Variants in SIMC1 observed in about 807,000 individuals in gnomAD.
SIMC1 encodes SUMO-interacting motif-containing protein 1.
SIMC1 carries 55 observed loss-of-function variants against 82.3 expected under a neutral mutation model. The observed-to-expected ratio is 0.67, with a 90% CI of 0.54 to 0.84. The LOEUF (loss-of-function observed/expected upper bound fraction) is 0.84. Among genes scored for constraint, SIMC1 ranks in the 40% least tolerant of loss-of-function variants. The pLI, the probability that SIMC1 is intolerant of heterozygous loss-of-function variation, is 0.00. For synonymous variants in SIMC1, 353 were observed against 426.3 expected (o/e 0.83, Z 2.12); for missense variants, 915 against 1,107.2 (o/e 0.83, Z 2.46).
Position 176,337,131 on chromosome 5 carries a change from C to A in SIMC1, c.2398C>A (p.Gln800Lys). 5 of 1,613,906 alleles carry A rather than the reference C, an allele frequency of 3.1e-6. No individual in the cohort carries two copies. The highest frequency in any genetic ancestry group is 4.2e-6 in the Non-Finnish European group (5 of 1,179,866). ...EHLQFLLSSY[Q>K]HVLREHLRSS... ...TCTGCAGTTTCTGCTGTCCAGTTAT[C>A]AACATGTTTTAAGAGGTAAGGAGCA... The change falls in exon 9 of 10, where the codon CAA (glutamine) becomes AAA (lysine). Residue 800 changes from glutamine to lysine, a missense_variant. Gln to Lys is a moderately conservative substitution (Grantham distance 53, BLOSUM62 1). This residue lies in a region of SIMC1 where 902 missense variants were observed against 1,040.3 expected (regional missense o/e 0.87). Coordinates refer to ENST00000429602, the MANE Select transcript of SIMC1 (RefSeq NM_001308195.2).
intron 6 of SIMC1, among the ~76,000 whole-genome samples, chr5:176,324,199 G>A (rs1581314815): frequency 6.6e-6 from 1 of 152,174 alleles, no homozygotes; most frequent in East Asian, 1.9e-4. Context: ...AACAGTAACA[G>A]GAGAAAACTG....
intron 1 of SIMC1, among the ~76,000 whole-genome samples, chr5:176,285,100 T>C (rs943746642): frequency 6.6e-5 from 10 of 152,060 alleles, no homozygotes; most frequent in Admixed American, 2.0e-4. Context: ...CTATTCCAAT[T>C]GATAGAAAAA....
intron 4 of SIMC1, among the ~76,000 whole-genome samples, chr5:176,311,115 G>A (rs1166807767): frequency 6.6e-6 from 1 of 152,118 alleles, no homozygotes. Context: ...GATCTTGTGG[G>A]GTAATGGAAA....
rs575612314 is a variant in SIMC1 at position 176,272,719 on chromosome 5, A to G, written c.130-16935A>G. Among the ~76,000 whole-genome samples the G allele has an allele frequency of 1.4e-4, 21 of 152,306 alleles. No individual in the cohort carries two copies. In the South Asian group the frequency reaches 1.7e-3, roughly 12 times the overall value. ...ATCTGTGACAGATGGCACCTGGAAA[A>G]TGGGGTCACTCCACCCTAATACTGT... On this transcript the variant is annotated intron_variant, in intron 1 of 9. Coordinates refer to ENST00000429602, the MANE Select transcript of SIMC1 (RefSeq NM_001308195.2).
At chr5:176,256,249 G>A (rs1278322973) in intron 1 of SIMC1, among the ~76,000 whole-genome samples, 3 of 151,982 alleles carry the variant, frequency 2.0e-5, no homozygotes, top group Non-Finnish European at 4.4e-5. Flanking sequence ...AATACTTCAA[G>A]AAAACATTGT....
chr5:176,290,239 GCCTCCT>G lies in SIMC1; in HGVS notation c.717_722del (p.Ser240_Ser241del). 1.2e-6 allele frequency: 2 copies of G among 1,611,510 alleles called. No individual in the cohort carries two copies. Among genetic ancestry groups the G allele is most frequent in the Non-Finnish European group, 1.7e-6 (2 of 1,178,954 alleles). On this transcript the variant is annotated inframe_deletion, in exon 2 of 10. Coordinates refer to ENST00000429602, the MANE Select transcript of SIMC1 (RefSeq NM_001308195.2). Reference sequence around the variant, plus strand: ...GAGAGCCTCACCATGTCCACCACGAGCCTCCTCATGCCCACCACGAGCCTTGTCATG... The same window carrying G: ...GAGAGCCTCACCATGTCCACCACGAGCATGCCCACCACGAGCCTTGTCATG...
intron 5 of SIMC1, among the ~76,000 whole-genome samples, chr5:176,321,433 C>T (rs1028436939): frequency 6.6e-6 from 1 of 150,868 alleles, no homozygotes; most frequent in Admixed American, 6.6e-5. Context: ...CAGAGCGAGA[C>T]TCTGCCTAAA....
chr5:176,249,476 A>G (rs1056554272), intron 1 of SIMC1, among the ~76,000 whole-genome samples: 10 of 151,836 alleles, frequency 6.6e-5, no homozygotes, highest in Non-Finnish European at 1.2e-4. Flanking sequence ...TATTGTATCT[A>G]TTTGATTCTT....
In SIMC1 at chr5:176,306,903, A is replaced by G. The variant is rs565715361; in HGVS notation, c.1735-6788A>G. 4.6e-3 allele frequency among the ~76,000 whole-genome samples: 543 copies of G among 117,344 alleles called. 3 individuals are homozygous for G. The highest frequency in any genetic ancestry group is 0.016 in the African/African-American group (516 of 32,346). 77.0% of individuals were successfully genotyped at this position (117,344 alleles called of 152,430 possible). On this transcript the variant is annotated intron_variant, in intron 4 of 9. Transcript: ENST00000429602. Reference sequence around the variant, plus strand: ...CCTCTGTGAGAAACACCCAAGAATTATCAATAAAAAAATAAATTAAAAAAA... The same window carrying G: ...CCTCTGTGAGAAACACCCAAGAATTGTCAATAAAAAAATAAATTAAAAAAA...
In SIMC1 at chr5:176,341,135, A is replaced by T. The variant is rs534396294; in HGVS notation, c.2413+3989A>T. The stretch of plus-strand genomic sequence containing the variant: ...GCACTCCAGCCTGGGCAGCAGAGCA[A>T]GACTCCATCTCAAAAAGAAATAAAT... On this transcript the variant is annotated intron_variant, in intron 9 of 9. Transcript: ENST00000429602. 3.9e-5 allele frequency among the ~76,000 whole-genome samples: 6 copies of T among 152,364 alleles called. No individual in the cohort carries two copies. In the South Asian group the frequency reaches 1.2e-3, roughly 32 times the overall value.
At chr5:176,344,842 A>G (rs1239192237) in intron 9 of SIMC1, among the ~76,000 whole-genome samples, 1 of 152,174 alleles carries the variant, frequency 6.6e-6, no homozygotes, top group Non-Finnish European at 1.5e-5. Flanking sequence ...TCATGATCAT[A>G]CTCATGTTAA....
In SIMC1 at chr5:176,295,130, T is replaced by A. The variant is rs1163772043; in HGVS notation, c.1532T>A (p.Met511Lys). 1.9e-6 allele frequency: 3 copies of A among 1,613,564 alleles called. No individual in the cohort carries two copies. Among genetic ancestry groups the A allele is most frequent in the Non-Finnish European group, 2.5e-6 (3 of 1,179,704 alleles). Reference protein sequence around the residue: ...NFPLGTVQFLMDFVSPQHYPP... With the variant: ...NFPLGTVQFLKDFVSPQHYPP... ...CCTCTGGGGACTGTGCAGTTTTTGA[T>A]GGACTTTGTGTCACCCCAGCATTAC... The change falls in exon 3 of 10, where the codon ATG becomes AAG. Residue 511 changes from methionine (M) to lysine (K), a missense_variant. By Grantham distance (95) the Met-to-Lys change is moderately conservative. Around this residue, in one of 2 missense-constraint regions of SIMC1, gnomAD observed 902 missense variants for 1,040.3 expected, o/e 0.87. Coordinates refer to ENST00000429602, the MANE Select transcript of SIMC1 (RefSeq NM_001308195.2).
intron 7 of SIMC1, among the ~76,000 whole-genome samples, chr5:176,334,865 G>A (rs1055124172): frequency 6.6e-6 from 1 of 152,130 alleles, no homozygotes; most frequent in Non-Finnish European, 1.5e-5. Context: ...GGCAGTTGGG[G>A]TGGATCACCT....
intron 1 of SIMC1, among the ~76,000 whole-genome samples, chr5:176,268,520 G>A (rs1258697973): frequency 6.7e-6 from 1 of 150,118 alleles, no homozygotes; most frequent in East Asian, 1.9e-4. Context: ...CAAGAAATTT[G>A]TAGTAACTCT....
In SIMC1 at chr5:176,317,418, A is replaced by G. The variant is rs10060630; in HGVS notation, c.1889+3573A>G. 1.0e-3 allele frequency among the ~76,000 whole-genome samples: 153 copies of G among 152,100 alleles called. 1 individual carries two copies. Among genetic ancestry groups the G allele is most frequent in the African/African-American group, 3.6e-3 (148 of 41,480 alleles). Reference sequence around the variant, plus strand: ...CTGCATTCCTGTTTCTCTTTAATTGATTTTTTAAATATTTACCCCCATATG... The same window carrying G: ...CTGCATTCCTGTTTCTCTTTAATTGGTTTTTTAAATATTTACCCCCATATG... On this transcript the variant is annotated intron_variant, in intron 5 of 9. Transcript: ENST00000429602.
chr5:176,273,017 C>T (rs934408753), intron 1 of SIMC1, among the ~76,000 whole-genome samples: 8 of 152,186 alleles, frequency 5.3e-5, no homozygotes, highest in South Asian at 2.1e-4. Context: ...AGGGCATAGC[C>T]GAACAAAAGG....
At chr5:176,272,343 T>C (rs1762479500) in intron 1 of SIMC1, among the ~76,000 whole-genome samples, 1 of 150,846 alleles carries the variant, frequency 6.6e-6, no homozygotes, top group South Asian at 2.1e-4. Flanking sequence ...TTGGCACTTC[T>C]ATTCAGAATT....
At chr5:176,307,435 C>T (rs939961229) in intron 4 of SIMC1, among the ~76,000 whole-genome samples, 2 of 152,180 alleles carry the variant, frequency 1.3e-5, no homozygotes, top group African/African-American at 4.8e-5. Flanking sequence ...GAGTCTTGCT[C>T]TGTTGCCCAG....
chr5:176,340,193 A>G (rs575989203), intron 9 of SIMC1, among the ~76,000 whole-genome samples: 3 of 152,344 alleles, frequency 2.0e-5, no homozygotes, highest in African/African-American at 7.2e-5. Flanking sequence ...TAGATGGGAA[A>G]ACAAAGGCTG....
Sources: gnomAD v4.1 joint callset for allele counts (sites outside exome capture counted in the v4.1 genomes callset) on GRCh38, gnomAD v4.1.1 for gene constraint, gnomAD v4.1.1 regional missense constraint, MANE v1.5 for transcripts, NCBI Gene and HGNC (gene_info 2026-07-23, HGNC 2026-07-21) for gene names.